Variants in CDH18 observed in about 807,000 individuals in gnomAD.
CDH18 encodes the protein cadherin 18, also known as cadherin-18.
A neutral mutation model predicts 67.9 loss-of-function variants in CDH18; 31 were observed. The observed-to-expected ratio is 0.46, with a 90% CI of 0.34 to 0.62. CDH18 has a LOEUF of 0.62. Among genes scored for constraint, CDH18 ranks in the 20% least tolerant of loss-of-function variants. The pLI, the probability that CDH18 is intolerant of heterozygous loss-of-function variation, is 0.01. For missense variants in CDH18, 890 were observed against 975.5 expected, an observed-to-expected ratio of 0.91 and a Z score of 1.17; for synonymous variants, 362 against 347.2, an observed-to-expected ratio of 1.04 and a Z score of -0.48.
chr5:19,765,952 T>C (rs1773035052), intron 3 of CDH18, among the ~76,000 whole-genome samples: 1 of 151,982 alleles, frequency 6.6e-6, no homozygotes, highest in Non-Finnish European at 1.5e-5. Flanking sequence ...TGAACTCGGC[T>C]CACTGCAACC....
At chr5:20,296,799 C>G (rs143433047) in intron 1 of CDH18, among the ~76,000 whole-genome samples, 1 of 151,730 alleles carries the variant, frequency 6.6e-6, no homozygotes, top group African/African-American at 2.4e-5. Context: ...CATTGTGAGT[C>G]TTTCCTGGTT....
chr5:19,855,058 T>C (rs1431689574), intron 2 of CDH18, among the ~76,000 whole-genome samples: 2 of 152,144 alleles, frequency 1.3e-5, no homozygotes, highest in African/African-American at 4.8e-5. Flanking sequence ...CTCATGCTGT[T>C]GCAAATGACA....
intron 10 of CDH18, among the ~76,000 whole-genome samples, chr5:19,508,097 C>T (rs1469220255): frequency 6.6e-6 from 1 of 150,756 alleles, no homozygotes; most frequent in Admixed American, 6.6e-5. Flanking sequence ...GTCAGTCTGA[C>T]TTTGTCCAAA....
intron 2 of CDH18, among the ~76,000 whole-genome samples, chr5:19,970,618 G>A (rs1348212704): frequency 6.6e-6 from 1 of 151,536 alleles, no homozygotes; most frequent in South Asian, 2.1e-4. Flanking sequence ...GTAAACCGAA[G>A]ACAACTATAA....
chr5:20,242,654 A>ATATATAT, intron 2 of CDH18, among the ~76,000 whole-genome samples: 2 of 133,896 alleles, frequency 1.5e-5, no homozygotes, highest in South Asian at 2.3e-4. Context: ...ATATATATGT[A>ATATATAT]AATGGACTAG....
intron 2 of CDH18, among the ~76,000 whole-genome samples, chr5:20,176,760 T>C (rs529543619): frequency 6.6e-6 from 1 of 152,282 alleles, no homozygotes; most frequent in East Asian, 1.9e-4. Context: ...ATGTGGTTAT[T>C]TTAATTCAGT....
chr5:20,456,148 G>A (rs1561020563), intron 1 of CDH18, among the ~76,000 whole-genome samples: 1 of 152,022 alleles, frequency 6.6e-6, no homozygotes, highest in Non-Finnish European at 1.5e-5. Flanking sequence ...TTAAAAGACA[G>A]CATTTAAATG....
intron 1 of CDH18, among the ~76,000 whole-genome samples, chr5:20,543,296 TTA>T (rs1238715392): frequency 4.6e-5 from 7 of 152,044 alleles, no homozygotes; most frequent in African/African-American, 1.7e-4. Context: ...AGTTCAAATT[TTA>T]TATATTTTTC....
chr5:19,540,835 G>A (rs1750146243), intron 9 of CDH18, among the ~76,000 whole-genome samples: 1 of 152,108 alleles, frequency 6.6e-6, no homozygotes, highest in Non-Finnish European at 1.5e-5. Flanking sequence ...GGTCTGTGAT[G>A]GGAGGGTCAG....
intron 2 of CDH18, among the ~76,000 whole-genome samples, chr5:20,232,929 T>C (rs1742186062): frequency 6.6e-6 from 1 of 151,908 alleles, no homozygotes; most frequent in African/African-American, 2.4e-5. Flanking sequence ...AGGTATGTAA[T>C]TGTCAAATAG....
chr5:20,491,079 G>T (rs1753556019), intron 1 of CDH18, among the ~76,000 whole-genome samples: 1 of 151,850 alleles, frequency 6.6e-6, no homozygotes, highest in Non-Finnish European at 1.5e-5. Flanking sequence ...TAAACTAAAA[G>T]CATACATTAT....
intron 2 of CDH18, among the ~76,000 whole-genome samples, chr5:20,169,877 T>C (rs1736562589): frequency 1.3e-5 from 2 of 152,160 alleles, no homozygotes; most frequent in Admixed American, 1.3e-4. Flanking sequence ...CTGCTTATTA[T>C]AATTTGAGCT....
At chr5:20,201,185 T>C (rs2126754942) in intron 2 of CDH18, among the ~76,000 whole-genome samples, 1 of 152,008 alleles carries the variant, frequency 6.6e-6, no homozygotes, top group South Asian at 2.1e-4. Flanking sequence ...CTTTGGCTAC[T>C]AGATGCATTA....
chr5:20,404,670 T>A (rs923880166), intron 1 of CDH18, among the ~76,000 whole-genome samples: 1 of 152,014 alleles, frequency 6.6e-6, no homozygotes, highest in Non-Finnish European at 1.5e-5. Flanking sequence ...AGACCAGGGA[T>A]CACAGATCAC....
At chr5:20,396,364 C>A (rs1209001151) in intron 1 of CDH18, among the ~76,000 whole-genome samples, 3 of 149,992 alleles carry the variant, frequency 2.0e-5, no homozygotes, top group Non-Finnish European at 3.0e-5. Context: ...CAAATTTTTT[C>A]TTTTCTCTCT....
chr5:20,450,305 C>T (rs1750341659), intron 1 of CDH18, among the ~76,000 whole-genome samples: 2 of 152,104 alleles, frequency 1.3e-5, no homozygotes, highest in African/African-American at 4.8e-5. Context: ...TGAGATCATG[C>T]CATTGCACTC....
At chr5:19,653,409 T>C (rs182262042) in intron 5 of CDH18, among the ~76,000 whole-genome samples, 1 of 152,146 alleles carries the variant, frequency 6.6e-6, no homozygotes, top group Non-Finnish European at 1.5e-5. Context: ...GAGTTCACTG[T>C]AATCACGGGT....
At chr5:19,904,060 G>A (rs114710900) in intron 2 of CDH18, among the ~76,000 whole-genome samples, 3,977 of 151,868 alleles carry the variant, frequency 0.026, 200 homozygotes, top group African/African-American at 0.09. Context: ...GATCATCTGA[G>A]GTCAGGAATT....
At chr5:20,560,919 G>T (rs1436843477) in intron 1 of CDH18, among the ~76,000 whole-genome samples, 1 of 151,960 alleles carries the variant, frequency 6.6e-6, no homozygotes, top group Non-Finnish European at 1.5e-5. Flanking sequence ...AAAGTCAGCA[G>T]TAAGAAAATT....
Sources: allele counts gnomAD v4.1 joint callset (sites outside exome capture counted in the v4.1 genomes callset), GRCh38; gene constraint gnomAD v4.1.1; transcripts MANE v1.5; gene names NCBI Gene and HGNC (gene_info 2026-07-23, HGNC 2026-07-21).